Variants in PTPRN2 observed in about 807,000 individuals in gnomAD.
PTPRN2 encodes the protein protein tyrosine phosphatase receptor type N2.
In PTPRN2, 74 loss-of-function variants were observed where a neutral mutation model predicts 118.8. The ratio of observed to expected loss-of-function variants is 0.62; its 90% CI spans 0.52 to 0.76. The LOEUF (loss-of-function observed/expected upper bound fraction) is 0.76. Ranked by LOEUF, PTPRN2 falls within the 30% of genes least tolerant of loss-of-function variation. The pLI is 0.00. For synonymous variants in PTPRN2, 641 were observed against 608.0 expected (o/e 1.05, Z -0.80); for missense variants, 1,481 against 1,394.4 (o/e 1.06, Z -0.99).
intron 17 of PTPRN2, among the ~76,000 whole-genome samples, chr7:157,578,601 C>T (rs1211120640): frequency 2.6e-5 from 4 of 152,312 alleles, no homozygotes; most frequent in Middle Eastern, 6.8e-3. Context: ...AAGTACTTCA[C>T]GGAAAGCAGT....
intron 12 of PTPRN2, among the ~76,000 whole-genome samples, chr7:157,838,887 C>T (rs1808167055): frequency 9.8e-6 from 1 of 101,604 alleles, no homozygotes; most frequent in Non-Finnish European, 1.8e-5. Context: ...TCCTCTCCGC[C>T]GTGGCTACTC....
chr7:157,718,886 G>A (rs1211586540), intron 12 of PTPRN2, among the ~76,000 whole-genome samples: 2 of 152,146 alleles, frequency 1.3e-5, no homozygotes, highest in South Asian at 2.1e-4. Flanking sequence ...CCACCTTGTC[G>A]CTGTGGCCTC....
At chr7:158,328,028 C>A (rs1017470227) in intron 2 of PTPRN2, among the ~76,000 whole-genome samples, 4 of 152,204 alleles carry the variant, frequency 2.6e-5, no homozygotes, top group African/African-American at 9.7e-5. Flanking sequence ...GAAAGGAATT[C>A]TCCAGAGGGA....
chr7:158,081,386 G>A lies in PTPRN2; in HGVS notation c.1644-9C>T, dbSNP rs912773967. On this transcript the variant is annotated splice_polypyrimidine_tract_variant and intron_variant, in intron 10 of 22. Coordinates refer to ENST00000389418, the MANE Select transcript of PTPRN2 (RefSeq NM_002847.5). ...CTGCTGGTCCGAGAACCCTGGAAGG[G>A]ATAATTTAAAATAAGTTCATAACGA... The A allele has an allele frequency of 6.2e-7, 1 of 1,613,170 alleles. No homozygotes were observed. Among genetic ancestry groups the A allele is most frequent in the Non-Finnish European group, 8.5e-7 (1 of 1,179,136 alleles).
chr7:157,929,052 A>G lies in PTPRN2; in HGVS notation c.1724-30315T>C, dbSNP rs1585033580. ...CACATGCCCACTTTAGAGGCAGGAG[A>G]GTGGGGTCCCGGGGTGCCAGGTGTC... is the stretch of plus-strand genomic sequence containing the variant. On this transcript the variant is annotated intron_variant, in intron 11 of 22. Coordinates refer to ENST00000389418, the MANE Select transcript of PTPRN2 (RefSeq NM_002847.5). The surrounding 1 kb of genome is among the most constrained non-coding windows in gnomAD (Gnocchi z 4.4). 6.6e-6 allele frequency among the ~76,000 whole-genome samples: 1 copy of G among 152,058 alleles called. No homozygotes were observed. Among genetic ancestry groups the G allele is most frequent in the Non-Finnish European group, 1.5e-5 (1 of 67,974 alleles).
chr7:158,150,854 T>C (rs1338347395), intron 6 of PTPRN2, among the ~76,000 whole-genome samples: 1 of 151,996 alleles, frequency 6.6e-6, no homozygotes, highest in Non-Finnish European at 1.5e-5. Context: ...TCTGGCCTCC[T>C]TTCTGTTCTT....
intron 11 of PTPRN2, among the ~76,000 whole-genome samples, chr7:158,081,074 G>A (rs1221632209): frequency 6.6e-6 from 1 of 152,184 alleles, no homozygotes; most frequent in Non-Finnish European, 1.5e-5. Flanking sequence ...TCTCCACACA[G>A]TGAAATCCCA....
At chr7:158,458,583 A>T (rs1396910797) in intron 2 of PTPRN2, among the ~76,000 whole-genome samples, 3 of 152,128 alleles carry the variant, frequency 2.0e-5, no homozygotes, top group Admixed American at 1.3e-4. Context: ...CGGAGCCCTG[A>T]CACCAGCATC....
At chr7:157,745,105 G>A (rs970338982) in intron 12 of PTPRN2, among the ~76,000 whole-genome samples, 1 of 152,198 alleles carries the variant, frequency 6.6e-6, no homozygotes, top group Admixed American at 6.5e-5. Flanking sequence ...ACGGAGCTAA[G>A]ATTTATAGAC....
chr7:158,150,737 T>C (rs1226001717), intron 6 of PTPRN2, among the ~76,000 whole-genome samples: 1 of 151,912 alleles, frequency 6.6e-6, no homozygotes, highest in East Asian at 1.9e-4. Context: ...TGCAAAGCTC[T>C]CTTCTTTCCT....
chr7:158,300,554 A>ACAGCGCCTCGCCTGCCACCCAGTCCCG (rs1800814493), intron 3 of PTPRN2, among the ~76,000 whole-genome samples: 3 of 146,630 alleles, frequency 2.0e-5, no homozygotes, highest in East Asian at 2.0e-4. Context: ...CTGCACGCCC[A>ACAGCGCCTCGCCTGCCACCCAGTCCCG]CAGCGCCTCG....
At chr7:157,993,317 A>G (rs1436047226) in intron 11 of PTPRN2, among the ~76,000 whole-genome samples, 1 of 151,390 alleles carries the variant, frequency 6.6e-6, no homozygotes, top group African/African-American at 2.4e-5. Context: ...AGGTTGTATG[A>G]CTTTATGAAA....
chr7:158,274,140 A>AGG (rs1798766458), intron 3 of PTPRN2, among the ~76,000 whole-genome samples: 2 of 68,534 alleles, frequency 2.9e-5, no homozygotes, highest in African/African-American at 6.3e-5. Flanking sequence ...CCGCAGACAC[A>AGG]GGGAGCCGCA....
intron 1 of PTPRN2, 106 bp downstream of exon 1, chr7:158,587,452 T>A: frequency 5.5e-4 from 60 of 108,208 alleles, no homozygotes; most frequent in Non-Finnish European, 5.7e-4. Flanking sequence ...CCCCGACCCC[T>A]CAGGGTGGCG....
At chr7:157,675,542 T>C (rs1796626013) in intron 13 of PTPRN2, among the ~76,000 whole-genome samples, 1 of 150,560 alleles carries the variant, frequency 6.6e-6, no homozygotes, top group Admixed American at 6.6e-5. Context: ...CAGACACCAA[T>C]GTCCTCAGTT....
intron 11 of PTPRN2, among the ~76,000 whole-genome samples, chr7:157,920,198 A>C (rs550387864): frequency 6.6e-6 from 1 of 152,350 alleles, no homozygotes; most frequent in East Asian, 1.9e-4. Flanking sequence ...ATGAACAAAG[A>C]AAATAAAAAT....
chr7:158,094,575 G>A (rs1585417606), intron 10 of PTPRN2, among the ~76,000 whole-genome samples: 1 of 152,210 alleles, frequency 6.6e-6, no homozygotes, highest in African/African-American at 2.4e-5. Context: ...CCAAACTGCT[G>A]GGATTACAGG....
At chr7:157,684,284 G>A (rs1797054512) in intron 12 of PTPRN2, among the ~76,000 whole-genome samples, 1 of 151,866 alleles carries the variant, frequency 6.6e-6, no homozygotes, top group Non-Finnish European at 1.5e-5. Context: ...GCCTGGATGC[G>A]CGGCTCGGAG....
At position 158,457,845 on chromosome 7, in the gene PTPRN2, G is replaced by A. The variant is rs528148104; in HGVS notation, c.163+31890C>T. Among the ~76,000 whole-genome samples, 19 of 150,664 alleles carry A rather than the reference G, an allele frequency of 1.3e-4. 1 individual carries two copies. Among genetic ancestry groups the A allele is most frequent in the Admixed American group, 1.1e-3 (17 of 15,230 alleles). On this transcript the variant is annotated intron_variant, in intron 2 of 22. Coordinates refer to ENST00000389418, the MANE Select transcript of PTPRN2 (RefSeq NM_002847.5). ...CCCCCTCCAGGGCGAGCCTGGCCTGGGGAGAGTCGCAGTAAAGCCACCGTC... is the reference window on the plus strand; with the variant it reads ...CCCCCTCCAGGGCGAGCCTGGCCTGAGGAGAGTCGCAGTAAAGCCACCGTC...
Sources: gnomAD v4.1 joint callset for allele counts (sites outside exome capture counted in the v4.1 genomes callset) on GRCh38, gnomAD v4.1.1 for gene constraint, Gnocchi (gnomAD v3.1) non-coding constraint, MANE v1.5 for transcripts, NCBI Gene and HGNC (gene_info 2026-07-23, HGNC 2026-07-21) for gene names.